PCDH9: variants seen among roughly 807,000 people sequenced by gnomAD.
The protein encoded by PCDH9 is protocadherin 9.
In PCDH9, 24 loss-of-function variants were observed where a neutral mutation model predicts 70.6. That is an observed-to-expected ratio of 0.34 (90% CI 0.25 to 0.48). The LOEUF (loss-of-function observed/expected upper bound fraction) is 0.48, where lower values mean the gene tolerates loss of function less well. Ranked by LOEUF, PCDH9 falls within the 20% of genes least tolerant of loss-of-function variation. PCDH9 has a pLI of 0.99. For synonymous variants in PCDH9, 562 were observed against 558.5 expected (o/e 1.01, Z -0.09); for missense variants, 1,281 against 1,503.6 (o/e 0.85, Z 2.45).
intron 4 of PCDH9, among the ~76,000 whole-genome samples, chr13:66,452,726 T>G (rs1457057749): frequency 6.6e-6 from 1 of 152,206 alleles, no homozygotes; most frequent in Admixed American, 6.5e-5. Context: ...TTTCCAAAGC[T>G]TCTTAAGTCA....
intron 2 of PCDH9, among the ~76,000 whole-genome samples, chr13:67,035,213 A>T (rs2084986407): frequency 6.6e-6 from 1 of 152,198 alleles, no homozygotes; most frequent in African/African-American, 2.4e-5. Context: ...AATACTGTCC[A>T]AAGTTTGCAA....
intron 2 of PCDH9, among the ~76,000 whole-genome samples, chr13:66,934,720 T>A (rs2082880800): frequency 9.5e-6 from 1 of 105,436 alleles, no homozygotes; most frequent in South Asian, 3.8e-4. Flanking sequence ...TTTTTTTTTT[T>A]TTTTTTTTTT....
chr13:66,657,141 C>G (rs1382557476), intron 3 of PCDH9, among the ~76,000 whole-genome samples: 1 of 152,146 alleles, frequency 6.6e-6, no homozygotes, highest in Non-Finnish European at 1.5e-5. Flanking sequence ...ATACAGAGAT[C>G]AGTGGATATA....
intron 4 of PCDH9, among the ~76,000 whole-genome samples, chr13:66,528,858 A>G (rs576581363): frequency 6.6e-6 from 1 of 152,174 alleles, no homozygotes; most frequent in Admixed American, 6.5e-5. Flanking sequence ...TCTACTATTC[A>G]CTTGGATAGG....
At chr13:66,854,865 A>C (rs1276443703) in intron 3 of PCDH9, among the ~76,000 whole-genome samples, 1 of 152,076 alleles carries the variant, frequency 6.6e-6, no homozygotes, top group East Asian at 1.9e-4. Context: ...AACGTATATA[A>C]AACAAGGGTC....
At chr13:66,378,339 A>C (rs1300380400) in intron 4 of PCDH9, among the ~76,000 whole-genome samples, 1 of 152,022 alleles carries the variant, frequency 6.6e-6, no homozygotes, top group Non-Finnish European at 1.5e-5. Flanking sequence ...TAGCTCCTTA[A>C]CTGGAGATGG....
At chr13:66,907,394 T>C (rs2082380639) in intron 2 of PCDH9, among the ~76,000 whole-genome samples, 1 of 152,174 alleles carries the variant, frequency 6.6e-6, no homozygotes, top group Non-Finnish European at 1.5e-5. Context: ...AACAATCATA[T>C]TCAATGAAAA....
At chr13:67,134,154 A>T (rs2087174862) in intron 2 of PCDH9, among the ~76,000 whole-genome samples, 1 of 152,148 alleles carries the variant, frequency 6.6e-6, no homozygotes, top group Admixed American at 6.6e-5. Context: ...TATGCAAGTC[A>T]GCGTTGACAA....
chr13:66,825,972 AAAT>A (rs1404218178), intron 3 of PCDH9, among the ~76,000 whole-genome samples: 34 of 152,198 alleles, frequency 2.2e-4, no homozygotes, highest in African/African-American at 8.0e-4. Context: ...ATCTTTAAAG[AAAT>A]AATAAATAAA....
chr13:66,898,191 G>A (rs1283597171), intron 3 of PCDH9, among the ~76,000 whole-genome samples: 1 of 151,836 alleles, frequency 6.6e-6, no homozygotes, highest in East Asian at 1.9e-4. Flanking sequence ...ATTGCACTTT[G>A]GAGAGCAATG....
intron 3 of PCDH9, among the ~76,000 whole-genome samples, chr13:66,727,960 T>G (rs1272530610): frequency 6.6e-6 from 1 of 152,164 alleles, no homozygotes; most frequent in African/African-American, 2.4e-5. Context: ...AGACAGCCAT[T>G]GTATTTACTG....
intron 4 of PCDH9, among the ~76,000 whole-genome samples, chr13:66,330,458 A>G (rs1225979395): frequency 1.3e-5 from 2 of 151,982 alleles, no homozygotes; most frequent in African/African-American, 2.4e-5. Flanking sequence ...CATGTTTCAG[A>G]CTCTTATTCT....
intron 3 of PCDH9, among the ~76,000 whole-genome samples, chr13:66,836,977 C>CA (rs2081032653): frequency 6.6e-6 from 1 of 152,118 alleles, no homozygotes. Context: ...AAAATGTGCC[C>CA]AAGTATACGC....
intron 2 of PCDH9, among the ~76,000 whole-genome samples, chr13:67,016,458 T>G (rs1256692655): frequency 6.6e-6 from 1 of 152,150 alleles, no homozygotes; most frequent in Non-Finnish European, 1.5e-5. Context: ...AAGAGATGAA[T>G]TTGATAAATT....
intron 3 of PCDH9, among the ~76,000 whole-genome samples, chr13:66,834,366 T>C (rs1466814181): frequency 6.6e-6 from 1 of 152,040 alleles, no homozygotes; most frequent in African/African-American, 2.4e-5. Flanking sequence ...GGTCTCAAAC[T>C]GCTGACCTCA....
At chr13:66,412,411 A>G (rs576960739) in intron 4 of PCDH9, among the ~76,000 whole-genome samples, 1 of 152,348 alleles carries the variant, frequency 6.6e-6, no homozygotes, top group African/African-American at 2.4e-5. Flanking sequence ...CATGTCTGAT[A>G]GGCCCTTTCC....
At chr13:66,818,958 C>CA (rs762869452) in intron 3 of PCDH9, among the ~76,000 whole-genome samples, 4 of 136,722 alleles carry the variant, frequency 2.9e-5, no homozygotes, top group East Asian at 4.4e-4. Context: ...AAACAAAAAA[C>CA]AAAAAAACAA....
intron 4 of PCDH9, among the ~76,000 whole-genome samples, chr13:66,526,396 G>A (rs76287950): frequency 3.9e-4 from 59 of 152,174 alleles, no homozygotes; most frequent in African/African-American, 1.4e-3. Context: ...AGACTCCCCT[G>A]AAGAGGAAAG....
intron 3 of PCDH9, among the ~76,000 whole-genome samples, chr13:66,822,253 G>A (rs1209411146): frequency 6.6e-6 from 1 of 151,870 alleles, no homozygotes; most frequent in East Asian, 1.9e-4. Flanking sequence ...TTGGCATGCA[G>A]ATGTCAATGT....
Sources: gnomAD v4.1 joint callset for allele counts (sites outside exome capture counted in the v4.1 genomes callset) on GRCh38, gnomAD v4.1.1 for gene constraint, MANE v1.5 for transcripts, NCBI Gene and HGNC (gene_info 2026-07-23, HGNC 2026-07-21) for gene names.